The following SPATA4 variants were observed in gnomAD, a reference collection of about 807,000 sequenced individuals.
SPATA4 encodes spermatogenesis associated 4.
SPATA4 carries 35 observed loss-of-function variants against 31.8 expected under a neutral mutation model. The observed-to-expected ratio is 1.10, with a 90% CI of 0.84 to 1.46. The LOEUF (loss-of-function observed/expected upper bound fraction) is 1.46, where lower values mean the gene tolerates loss of function less well. SPATA4 is among the 40% of genes most tolerant of loss of function. The pLI, the probability that SPATA4 is intolerant of heterozygous loss-of-function variation, is 0.00. For synonymous variants in SPATA4, 126 were observed against 132.4 expected, an observed-to-expected ratio of 0.95 and a Z score of 0.33; for missense variants, 394 against 363.1, an observed-to-expected ratio of 1.09 and a Z score of -0.69.
rs1233622630 is a variant in SPATA4, at chr4:176,188,133, A to ACT, written c.789_790dup (p.Val264GlufsTer9). 11 of 1,610,950 alleles carry ACT rather than the reference A, an allele frequency of 6.8e-6. No individual in the cohort carries two copies. In the African/African-American group the frequency reaches 1.5e-4, roughly 22 times the overall value. ...TTAAAACTTACGTAAAACAGGGACA[A>ACT]CTCTTCCTCTTTTAACTTTTAAATT... On this transcript the variant is annotated frameshift_variant, in exon 5 of 6. Transcript: ENST00000280191. LOFTEE classifies it low-confidence loss of function (END_TRUNC).
chr4:176,193,587 TC>T lies in SPATA4; in HGVS notation c.219-6del. The stretch of plus-strand genomic sequence containing the variant: ...AGGAAGCCATTTGAAAAATCTCTGA[TC>T]CGTGGCAATTAGGAAATGAAATAAA... On this transcript the variant is annotated splice_region_variant and splice_polypyrimidine_tract_variant and intron_variant, in intron 1 of 5. Transcript: ENST00000280191. 1 of 1,601,090 alleles carries T rather than the reference TC, an allele frequency of 6.2e-7. No homozygotes were observed. Among genetic ancestry groups the T allele is most frequent in the South Asian group, 1.1e-5 (1 of 88,828 alleles).
chr4:176,186,380 T>C (rs1318042742), intron 5 of SPATA4, among the ~76,000 whole-genome samples: 1 of 152,156 alleles, frequency 6.6e-6, no homozygotes, highest in Non-Finnish European at 1.5e-5. Flanking sequence ...TACCTGCAGT[T>C]TCCTTTCCAT....
intron 4 of SPATA4, among the ~76,000 whole-genome samples, chr4:176,188,708 C>T (rs985358504): frequency 3.9e-5 from 6 of 152,296 alleles, no homozygotes; most frequent in East Asian, 1.9e-4. Context: ...TAAAATCATA[C>T]AGTATCTTTC....
At position 176,192,690 on chromosome 4, in the gene SPATA4, T is replaced by G. The variant is rs1451895931; in HGVS notation, c.625A>C (p.Lys209Gln). 1 of 1,614,022 alleles carries G rather than the reference T, an allele frequency of 6.2e-7. No homozygotes were observed. Among genetic ancestry groups the G allele is most frequent in the African/African-American group, 1.3e-5 (1 of 74,934 alleles). The part of the protein sequence containing the change: ...SNPNMLTNEL[K>Q]AEFLILLHML... ...TGTAAAAGGATGAGGAACTCCGCTTTAAGTTCATTGGTCAGCATGTTGGGA... is the reference window on the plus strand; with the variant it reads ...TGTAAAAGGATGAGGAACTCCGCTTGAAGTTCATTGGTCAGCATGTTGGGA... Residue 209 changes from lysine (K) to glutamine (Q), a missense_variant, in exon 4 of 6, where the codon AAA (lysine) becomes CAA (glutamine). Coordinates refer to ENST00000280191, the MANE Select transcript of SPATA4 (RefSeq NM_144644.4).
Position 176,193,580 on chromosome 4 carries a change from T to A in SPATA4, c.221A>T (p.Asp74Val). 14 of 1,604,990 alleles carry A rather than the reference T, an allele frequency of 8.7e-6. No individual in the cohort carries two copies. The highest frequency in any genetic ancestry group is 1.2e-5 in the Non-Finnish European group (14 of 1,177,934). ...LSFFPRNINR[D>V]FSNGFLIAEI... is the part of the protein sequence containing the mutation. The stretch of plus-strand genomic sequence containing the variant: ...TGCAATTAGGAAGCCATTTGAAAAA[T>A]CTCTGATCCGTGGCAATTAGGAAAT... The change falls in exon 2 of 6, where the codon GAT becomes GTT. Residue 74 changes from aspartate to valine, a missense_variant and splice_region_variant. Asp to Val is a radical substitution (Grantham distance 152, BLOSUM62 -3). Transcript: ENST00000280191.
chr4:176,192,733 T>A lies in SPATA4; in HGVS notation c.582A>T (p.Leu194Phe). 1 of 1,614,176 alleles carries A rather than the reference T, an allele frequency of 6.2e-7. No individual in the cohort carries two copies. Among genetic ancestry groups the A allele is most frequent in the Non-Finnish European group, 8.5e-7 (1 of 1,180,006 alleles). ...VSKSIKDNIR[L>F]SELLSNPNML... ...TGTTGGGATTGCTTAGTAATTCTGA[T>A]AACCTAATGTTATCTTTAATAGACT... Residue 194 changes from leucine to phenylalanine, a missense_variant, in exon 4 of 6, where the codon TTA becomes TTT. By Grantham distance (22) the Leu-to-Phe change is conservative. Coordinates refer to ENST00000280191, the MANE Select transcript of SPATA4 (RefSeq NM_144644.4).
At chr4:176,184,963 T>TCTAATGTATC in intron 5 of SPATA4, 71 bp from the exon 6 acceptor site, 1 of 852,106 alleles carries the variant, frequency 1.2e-6, no homozygotes, top group Non-Finnish European at 1.9e-6. Context: ...CATCAACATG[T>TCTAATGTATC]CTAATGTATC....
In SPATA4 at chr4:176,195,550, C is replaced by G. The variant is rs749799707; in HGVS notation, c.13G>C (p.Gly5Arg). The G allele has an allele frequency of 4.3e-6, 7 of 1,613,992 alleles. No individual in the cohort carries two copies. Among genetic ancestry groups the G allele is most frequent in the Non-Finnish European group, 5.9e-6 (7 of 1,179,988 alleles). Reference protein sequence around the residue: MAAAGQEKGYLTQTA... With the variant: MAAARQEKGYLTQTA... Reference sequence around the variant, plus strand: ...TGTGTCAAATACCCTTTTTCCTGGCCGGCGGCAGCCATGACGCTTTCTGGG... The same window carrying G: ...TGTGTCAAATACCCTTTTTCCTGGCGGGCGGCAGCCATGACGCTTTCTGGG... Residue 5 changes from glycine (G) to arginine (R), a missense_variant, in exon 1 of 6, where the codon GGC (glycine) becomes CGC (arginine). Coordinates refer to ENST00000280191, the MANE Select transcript of SPATA4 (RefSeq NM_144644.4).
Position 176,188,194 on chromosome 4 carries a change from T to C in SPATA4, c.730A>G (p.Asn244Asp), listed in dbSNP as rs766134704. Residue 244 changes from asparagine to aspartate, a missense_variant, in exon 5 of 6, where the codon AAT becomes GAT. Transcript: ENST00000280191. The part of the protein sequence containing the change: ...VKPTVGEVTL[N>D]HLPAQASGRR... ...CCAGAGGCTTGGGCAGGAAGGTGAT[T>C]GAGAGTAACTTCTCCCACTGTTGGT... 6.2e-7 allele frequency: 1 copy of C among 1,613,180 alleles called. No individual in the cohort carries two copies. Among genetic ancestry groups the C allele is most frequent in the East Asian group, 2.2e-5 (1 of 44,842 alleles).
intron 5 of SPATA4, among the ~76,000 whole-genome samples, chr4:176,185,985 A>G (rs1752435776): frequency 6.6e-6 from 1 of 152,202 alleles, no homozygotes; most frequent in South Asian, 2.1e-4. Flanking sequence ...AGAGAATAAA[A>G]TGGGAGGAGT....
At chr4:176,185,621 G>A (rs960006253) in intron 5 of SPATA4, among the ~76,000 whole-genome samples, 1 of 152,044 alleles carries the variant, frequency 6.6e-6, no homozygotes, top group African/African-American at 2.4e-5. Flanking sequence ...TCAAACTATG[G>A]TAGCAGACCT....
rs761199318 is a variant in SPATA4, at chr4:176,184,799, T to C, written c.899A>G (p.Asn300Ser). ...SYYSAMKPIRNMDKKP is the reference protein window; with the variant it reads ...SYYSAMKPIRSMDKKP Reference sequence around the variant, plus strand: ...TGCTTTTCAAGGTTTCTTGTCCATGTTTCTGATAGGTTTCATAGCAGAGTA... The same window carrying C: ...TGCTTTTCAAGGTTTCTTGTCCATGCTTCTGATAGGTTTCATAGCAGAGTA... The change falls in exon 6 of 6, where the codon AAC becomes AGC. Residue 300 changes from asparagine (N) to serine (S), a missense_variant. By Grantham distance (46) the Asn-to-Ser change is conservative. Transcript: ENST00000280191. The C allele has an allele frequency of 2.5e-6, 4 of 1,592,532 alleles. No individual in the cohort carries two copies. Among genetic ancestry groups the C allele is most frequent in the Non-Finnish European group, 3.4e-6 (4 of 1,169,896 alleles).
chr4:176,195,267 G>T, intron 1 of SPATA4, 78 bp downstream of exon 1: 1 of 1,431,280 alleles, frequency 7.0e-7, no homozygotes, highest in Non-Finnish European at 9.8e-7. Context: ...GCCAGGGTAG[G>T]CAATCTGAGG....
chr4:176,193,715 T>A, intron 1 of SPATA4, 133 bp from the exon 2 acceptor site: 1 of 954,398 alleles, frequency 1.0e-6, no homozygotes, highest in Non-Finnish European at 1.4e-6. Context: ...ATCGTTGCTC[T>A]AAGGAGAACC....
Position 176,192,667 on chromosome 4 carries a change from T to A in SPATA4, c.648A>T (p.Leu216Phe). ...TGCCTAATTTTCTTTGCAACATATG[T>A]AAAAGGATGAGGAACTCCGCTTTAA... ...NELKAEFLIL[L>F]HMLQRKLGRK... The change falls in exon 4 of 6, where the codon TTA (leucine) becomes TTT (phenylalanine). Residue 216 changes from leucine to phenylalanine, a missense_variant. Coordinates refer to ENST00000280191, the MANE Select transcript of SPATA4 (RefSeq NM_144644.4). 1 of 1,614,030 alleles carries A rather than the reference T, an allele frequency of 6.2e-7. No homozygotes were observed. Among genetic ancestry groups the A allele is most frequent in the Non-Finnish European group, 8.5e-7 (1 of 1,179,954 alleles).
intron 4 of SPATA4, among the ~76,000 whole-genome samples, chr4:176,191,659 G>C (rs1215327585): frequency 6.6e-6 from 1 of 152,104 alleles, no homozygotes; most frequent in South Asian, 2.1e-4. Flanking sequence ...AATGTTTCAA[G>C]ATAAAACTCT....
In SPATA4 at chr4:176,193,437, A is replaced by G; in HGVS notation, c.348+16T>C. 6.2e-7 allele frequency: 1 copy of G among 1,606,234 alleles called. No individual in the cohort carries two copies. The highest frequency in any genetic ancestry group is 1.7e-4 in the Middle Eastern group (1 of 5,988). ...AACATCTTAACAGTTAAAAGTGTAA[A>G]TGACTGCTAACGTACCTTCTCCAAC... On this transcript the variant is annotated intron_variant, in intron 2 of 5. Coordinates refer to ENST00000280191, the MANE Select transcript of SPATA4 (RefSeq NM_144644.4).
At position 176,193,559 on chromosome 4, in the gene SPATA4, A is replaced by G. The variant is rs756277348; in HGVS notation, c.242T>C (p.Ile81Thr). ...GTAATATATACAGAATATTTCTGCA[A>G]TTAGGAAGCCATTTGAAAAATCTCT... is the stretch of plus-strand genomic sequence containing the variant. The part of the protein sequence containing the change: ...INRDFSNGFL[I>T]AEIFCIYYPW... The change falls in exon 2 of 6, where the codon ATT becomes ACT. Residue 81 changes from isoleucine to threonine, a missense_variant. Physicochemically the swap from Ile to Thr is moderately conservative, Grantham distance 89. Coordinates refer to ENST00000280191, the MANE Select transcript of SPATA4 (RefSeq NM_144644.4). 8.1e-6 allele frequency: 13 copies of G among 1,609,644 alleles called. No individual in the cohort carries two copies. The East Asian group carries it at 8.9e-5, about 11-fold the overall frequency.
intron 1 of SPATA4, 54 bp downstream of exon 1, chr4:176,195,291 G>A (rs550013256): frequency 6.2e-5 from 98 of 1,589,010 alleles, no homozygotes; most frequent in Non-Finnish European, 8.3e-5. Flanking sequence ...GGCAGGCGGC[G>A]GAAAGCAGGC....
Sources: gnomAD v4.1 joint callset for allele counts (sites outside exome capture counted in the v4.1 genomes callset) on GRCh38, gnomAD v4.1.1 for gene constraint, MANE v1.5 for transcripts, NCBI Gene and HGNC (gene_info 2026-07-23, HGNC 2026-07-21) for gene names.